Variants in TBL1X observed in about 807,000 individuals in gnomAD.
TBL1X encodes F-box-like/WD repeat-containing protein TBL1X.
A neutral mutation model predicts 50.7 loss-of-function variants in TBL1X; 10 were observed. That is an observed-to-expected ratio of 0.20 (90% CI 0.12 to 0.33). The LOEUF is 0.33. Among genes scored for constraint, TBL1X ranks in the 10% least tolerant of loss-of-function variants. The pLI is 1.00. For synonymous variants in TBL1X, 190 were observed against 214.7 expected, an observed-to-expected ratio of 0.88 and a Z score of 1.01; for missense variants, 340 against 504.4, an observed-to-expected ratio of 0.67 and a Z score of 3.12.
chrX:9,645,395 A>G (rs1158390898), intron 3 of TBL1X: 3 of 112,318 alleles, frequency 2.7e-5, no homozygotes, highest in African/African-American at 6.5e-5. Context: ...TGAGTAGTCC[A>G]TGTTCAGAGT....
chrX:9,681,402 G>A (rs1311267139), intron 5 of TBL1X, among the ~76,000 whole-genome samples: 1 of 112,414 alleles, frequency 8.9e-6, no homozygotes, highest in Non-Finnish European at 1.9e-5. Context: ...ATCCTTGGGC[G>A]GGTTACCTGA....
chrX:9,548,320 CAT>C (rs1158454870), intron 2 of TBL1X, among the ~76,000 whole-genome samples: 2 of 111,655 alleles, frequency 1.8e-5, no homozygotes, highest in Non-Finnish European at 3.8e-5. Flanking sequence ...TCTCAGCTCC[CAT>C]CCTTATCCCA....
chrX:9,540,066 G>T (rs752979492), intron 2 of TBL1X, among the ~76,000 whole-genome samples: 4 of 112,669 alleles, frequency 3.6e-5, no homozygotes, highest in African/African-American at 6.4e-5. Context: ...GGCACAAGAA[G>T]TGTTACAGTT....
chrX:9,564,718 C>T (rs1456842339), intron 2 of TBL1X, among the ~76,000 whole-genome samples: 21 of 101,418 alleles, frequency 2.1e-4, no homozygotes, highest in African/African-American at 7.5e-4. Context: ...GGTGACAGAG[C>T]AAGACTCTGT....
At chrX:9,661,635 T>G (rs2082899359) in intron 5 of TBL1X, among the ~76,000 whole-genome samples, 1 of 111,367 alleles carries the variant, frequency 9.0e-6, no homozygotes, top group South Asian at 3.8e-4. Context: ...GAAGAGTGAG[T>G]GAGACCTCAG....
At chrX:9,697,241 A>ACT (rs2083136865) in intron 11 of TBL1X, 128 bp from the exon 12 acceptor site, 1 of 843,249 alleles carries the variant, frequency 1.2e-6, no homozygotes, top group Non-Finnish European at 1.7e-6. Context: ...CATAAGGCTC[A>ACT]CTCTCTATCT....
At chrX:9,601,562 G>A (rs889938112) in intron 2 of TBL1X, among the ~76,000 whole-genome samples, 3 of 110,700 alleles carry the variant, frequency 2.7e-5, no homozygotes, top group Non-Finnish European at 3.8e-5. Context: ...TTTCATCAGC[G>A]CCCCCCATTT....
chrX:9,492,251 G>T (rs2081948571), intron 1 of TBL1X, among the ~76,000 whole-genome samples: 1 of 111,186 alleles, frequency 9.0e-6, no homozygotes. Context: ...TCCTTCAGTT[G>T]CTCTTTTTAC....
In TBL1X at chrX:9,613,999, A is replaced by AG. The variant is rs1441214140; in HGVS notation, c.-130-26274_-130-26273insG. 5.3e-4 allele frequency among the ~76,000 whole-genome samples: 58 copies of AG among 109,234 alleles called. No homozygotes were observed. In the East Asian group the frequency reaches 0.011, roughly 20 times the overall value. The allele number at this position is 109,234 out of a possible 115,157, so 94.9% of individuals were successfully genotyped here. ...AGACTCCATCTCAAAAAAAAAAAAAAAAAAGAAAAGAAAAAGAAAACTAAT... is the reference window on the plus strand; with the variant it reads ...AGACTCCATCTCAAAAAAAAAAAAAAGAAAAGAAAAGAAAAAGAAAACTAAT... On this transcript the variant is annotated intron_variant, in intron 2 of 17. Coordinates refer to ENST00000645353, the MANE Select transcript of TBL1X (RefSeq NM_005647.4).
At chrX:9,561,854 T>C (rs2082326531) in intron 2 of TBL1X, among the ~76,000 whole-genome samples, 2 of 112,148 alleles carry the variant, frequency 1.8e-5, no homozygotes, top group Non-Finnish European at 3.8e-5. Flanking sequence ...CTGGCTGTTT[T>C]GTTAAATGAA....
At chrX:9,517,667 G>C (rs1406005836) in intron 2 of TBL1X, among the ~76,000 whole-genome samples, 1 of 112,126 alleles carries the variant, frequency 8.9e-6, no homozygotes, top group East Asian at 2.8e-4. Context: ...AGGGCACCCT[G>C]GTGCTTCTCC....
rs1484617396 is a variant in TBL1X, at chrX:9,718,437, G to C, written c.*2191G>C. On this transcript the variant is annotated 3_prime_UTR_variant, in exon 18 of 18. Coordinates refer to ENST00000645353, the MANE Select transcript of TBL1X (RefSeq NM_005647.4). ...TGTTTCCGAAACACTTAGCAAAGAAGGTCACAGTGATGTGGAGTCGCCGCA... is the reference window on the plus strand; with the variant it reads ...TGTTTCCGAAACACTTAGCAAAGAACGTCACAGTGATGTGGAGTCGCCGCA... 4 of 111,900 alleles carry C rather than the reference G, an allele frequency of 3.6e-5. No individual in the cohort carries two copies. Among genetic ancestry groups the C allele is most frequent in the Non-Finnish European group, 7.5e-5 (4 of 53,196 alleles). The allele number at this position is 111,900 out of a possible 1,213,427, so 9.2% of individuals were successfully genotyped here.
intron 2 of TBL1X, among the ~76,000 whole-genome samples, chrX:9,515,739 C>T (rs571118198): frequency 2.7e-5 from 3 of 111,944 alleles, no homozygotes; most frequent in African/African-American, 6.5e-5. Flanking sequence ...TTGTGAGTGT[C>T]GTCGATGCCA....
chrX:9,579,827 A>G (rs2082430858), intron 2 of TBL1X, among the ~76,000 whole-genome samples: 1 of 111,110 alleles, frequency 9.0e-6, no homozygotes, highest in Admixed American at 9.6e-5. Context: ...TGGATTTTGA[A>G]TGTTCTTTCA....
chrX:9,492,888 T>TAG (rs1258812522), intron 1 of TBL1X, among the ~76,000 whole-genome samples: 2 of 24,601 alleles, frequency 8.1e-5, no homozygotes, highest in African/African-American at 2.2e-4. Flanking sequence ...TGTGTGTGTG[T>TAG]GTGTGTGTGT....
chrX:9,486,760 G>T (rs763916772), intron 1 of TBL1X, among the ~76,000 whole-genome samples: 1 of 111,476 alleles, frequency 9.0e-6, no homozygotes, highest in East Asian at 2.8e-4. Flanking sequence ...CCATGTCACG[G>T]GCCATGGTCA....
chrX:9,549,105 C>G (rs1343593040), intron 2 of TBL1X, among the ~76,000 whole-genome samples: 1 of 112,783 alleles, frequency 8.9e-6, no homozygotes, highest in East Asian at 2.8e-4. Context: ...ACTAAGGAAG[C>G]CCTTTTCATC....
chrX:9,661,110 A>G (rs745630011), intron 5 of TBL1X, among the ~76,000 whole-genome samples: 3 of 112,506 alleles, frequency 2.7e-5, no homozygotes, highest in Non-Finnish European at 3.8e-5. Flanking sequence ...CACCTACTCT[A>G]TGTATTTTGG....
intron 2 of TBL1X, among the ~76,000 whole-genome samples, chrX:9,590,963 C>T (rs1210687443): frequency 1.1e-5 from 1 of 91,600 alleles, no homozygotes; most frequent in Non-Finnish European, 2.1e-5. Context: ...GGGCTATGCC[C>T]AAATCGTTAT....
Sources: gnomAD v4.1 joint callset for allele counts (sites outside exome capture counted in the v4.1 genomes callset) on GRCh38, gnomAD v4.1.1 for gene constraint, MANE v1.5 for transcripts, NCBI Gene and HGNC (gene_info 2026-07-23, HGNC 2026-07-21) for gene names.